ASIC2: variants seen among roughly 807,000 people sequenced by gnomAD.
ASIC2 encodes the protein acid sensing ion channel subunit 2, also known as acid-sensing ion channel 2.
ASIC2 carries 25 observed loss-of-function variants against 57.3 expected under a neutral mutation model. The observed-to-expected ratio is 0.44, with a 90% CI of 0.32 to 0.61. The LOEUF is 0.61. Ranked by LOEUF, ASIC2 falls within the 20% of genes least tolerant of loss-of-function variation. The pLI is 0.06. For missense variants in ASIC2, 641 were observed against 738.1 expected, an observed-to-expected ratio of 0.87 and a Z score of 1.52; for synonymous variants, 319 against 307.5, an observed-to-expected ratio of 1.04 and a Z score of -0.39.
chr17:33,290,103 G>A (rs568437565), intron 1 of ASIC2, among the ~76,000 whole-genome samples: 2 of 152,168 alleles, frequency 1.3e-5, no homozygotes, highest in African/African-American at 2.4e-5. Flanking sequence ...GAATGTTTTC[G>A]GAGTGGATAA....
intron 1 of ASIC2, among the ~76,000 whole-genome samples, chr17:34,064,400 C>CGGT (rs1390942063): frequency 1.8e-4 from 28 of 152,128 alleles, no homozygotes; most frequent in African/African-American, 6.3e-4. Context: ...GGACTTAAAC[C>CGGT]TAAGACCTGA....
chr17:33,045,267 C>G (rs2091948764), intron 3 of ASIC2, among the ~76,000 whole-genome samples: 1 of 152,188 alleles, frequency 6.6e-6, no homozygotes, highest in Non-Finnish European at 1.5e-5. Flanking sequence ...CCTTCCTCTC[C>G]CCAACATAAG....
Position 33,015,972 on chromosome 17 carries a change from ACATTCTCAT to A in ASIC2, c.1580_1588del (p.Asp527_Asn529del). Reference sequence around the variant, plus strand: ...TTCCAATCAGTGAGCTGCTCTTACCACATTCTCATCGTGGCTCCCTTCGTCCTCCTCTTT... The same window carrying A: ...TTCCAATCAGTGAGCTGCTCTTACCACGTGGCTCCCTTCGTCCTCCTCTTT... On this transcript the variant is annotated inframe_deletion and splice_region_variant, in exon 9 of 10. Coordinates refer to ENST00000225823, the MANE Select transcript of ASIC2 (RefSeq NM_183377.2). 1 of 1,614,040 alleles carries A rather than the reference ACATTCTCAT, an allele frequency of 6.2e-7. No homozygotes were observed. Among genetic ancestry groups the A allele is most frequent in the Non-Finnish European group, 8.5e-7 (1 of 1,179,950 alleles).
At chr17:34,050,008 T>C (rs1908495074) in intron 1 of ASIC2, among the ~76,000 whole-genome samples, 1 of 152,200 alleles carries the variant, frequency 6.6e-6, no homozygotes, top group South Asian at 2.1e-4. Context: ...GGAAAATGTT[T>C]GAAACAGATT....
intron 1 of ASIC2, chr17:33,572,494 G>A (rs1036416513): frequency 3.3e-5 from 5 of 152,276 alleles, no homozygotes; most frequent in Middle Eastern, 6.3e-3. Flanking sequence ...AACACCCATA[G>A]GCTTCCCCAA....
chr17:33,290,449 T>C (rs560416116), intron 1 of ASIC2, among the ~76,000 whole-genome samples: 36 of 152,350 alleles, frequency 2.4e-4, no homozygotes, highest in African/African-American at 8.2e-4. Flanking sequence ...GCATGCATCA[T>C]GCTGGGGCCT....
intron 1 of ASIC2, among the ~76,000 whole-genome samples, chr17:33,854,331 C>T (rs963104549): frequency 6.6e-6 from 1 of 152,062 alleles, no homozygotes; most frequent in Admixed American, 6.5e-5. Flanking sequence ...GTGTGCAGAC[C>T]CTCAAGGTAA....
chr17:33,100,219 C>T (rs1162547216), intron 2 of ASIC2: 1 of 152,296 alleles, frequency 6.6e-6, no homozygotes, highest in African/African-American at 2.4e-5. Flanking sequence ...AGAATATCTA[C>T]ATTTTTGCAG....
intron 1 of ASIC2, among the ~76,000 whole-genome samples, chr17:33,658,961 C>T (rs917627189): frequency 2.0e-5 from 3 of 152,268 alleles, no homozygotes; most frequent in African/African-American, 7.2e-5. Context: ...TGAGATCGCG[C>T]CACTGCACTC....
intron 1 of ASIC2, among the ~76,000 whole-genome samples, chr17:33,319,546 G>A (rs1312968642): frequency 6.6e-6 from 1 of 152,066 alleles, no homozygotes; most frequent in Non-Finnish European, 1.5e-5. Context: ...TATATTTATG[G>A]GTTACATGAG....
intron 1 of ASIC2, among the ~76,000 whole-genome samples, chr17:33,543,096 T>C (rs1031604695): frequency 2.4e-5 from 3 of 127,170 alleles, no homozygotes; most frequent in South Asian, 2.5e-4. Context: ...TGAGATCACA[T>C]GGACACAGGA....
intron 6 of ASIC2, among the ~76,000 whole-genome samples, chr17:33,023,213 C>T (rs192240825): frequency 6.6e-5 from 10 of 152,256 alleles, no homozygotes; most frequent in Non-Finnish European, 1.5e-4. Context: ...CTGGGCCAGG[C>T]GCGGTGGCTC....
chr17:33,783,355 C>T (rs1911514222), intron 1 of ASIC2, among the ~76,000 whole-genome samples: 1 of 152,208 alleles, frequency 6.6e-6, no homozygotes, highest in Non-Finnish European at 1.5e-5. Context: ...CTCTCCATGC[C>T]TCAGTGGCAT....
At chr17:33,396,928 G>C (rs62069428) in intron 1 of ASIC2, among the ~76,000 whole-genome samples, 17,015 of 152,200 alleles carry the variant, frequency 0.11, 1,009 homozygotes, top group Middle Eastern at 0.18. Context: ...AGGCACTGTA[G>C]GTTATAATAG....
rs1240327158 is a variant in ASIC2 at position 33,306,946 on chromosome 17, C to T, written c.556-194879G>A. Among the ~76,000 whole-genome samples the T allele has an allele frequency of 3.9e-5, 6 of 152,072 alleles. 1 individual carries two copies. Among genetic ancestry groups the T allele is most frequent in the Admixed American group, 2.0e-4 (3 of 15,270 alleles). On this transcript the variant is annotated intron_variant, in intron 1 of 9. Transcript: ENST00000359872. Reference sequence around the variant, plus strand: ...CCCCAGGGACTACTCAAGATTGCAGCCCTGTCCTTTTGCCCCAGTGTACTG... The same window carrying T: ...CCCCAGGGACTACTCAAGATTGCAGTCCTGTCCTTTTGCCCCAGTGTACTG...
intron 6 of ASIC2, among the ~76,000 whole-genome samples, chr17:33,022,220 TC>T (rs1481443292): frequency 6.6e-6 from 1 of 152,192 alleles, no homozygotes; most frequent in Non-Finnish European, 1.5e-5. Flanking sequence ...CTTCTTCCCA[TC>T]TGCCTTTCCC....
At chr17:33,594,624 C>G (rs946422710) in intron 1 of ASIC2, among the ~76,000 whole-genome samples, 4 of 151,650 alleles carry the variant, frequency 2.6e-5, no homozygotes, top group Non-Finnish European at 4.4e-5. Context: ...ATCAGAAGAT[C>G]GAGACCATCC....
chr17:33,078,827 G>A (rs2092100320), intron 3 of ASIC2, among the ~76,000 whole-genome samples: 1 of 152,194 alleles, frequency 6.6e-6, no homozygotes, highest in Non-Finnish European at 1.5e-5. Flanking sequence ...TTGTCCACTG[G>A]TAACCTAACA....
At chr17:33,771,980 G>A (rs1015286091) in intron 1 of ASIC2, among the ~76,000 whole-genome samples, 2 of 152,080 alleles carry the variant, frequency 1.3e-5, no homozygotes, top group African/African-American at 4.8e-5. Context: ...TACCCAAAAT[G>A]AAGTAGCAGC....
Sources: gnomAD v4.1 joint callset for allele counts (sites outside exome capture counted in the v4.1 genomes callset) on GRCh38, gnomAD v4.1.1 for gene constraint, MANE v1.5 for transcripts, NCBI Gene and HGNC (gene_info 2026-07-23, HGNC 2026-07-21) for gene names.